The following GRID1 variants were observed in gnomAD, a reference collection of about 807,000 sequenced individuals.
The protein encoded by GRID1 is glutamate receptor ionotropic, delta-1.
In GRID1, 28 loss-of-function variants were observed where a neutral mutation model predicts 98.0. The ratio of observed to expected loss-of-function variants is 0.29; its 90% CI spans 0.21 to 0.39. The LOEUF (loss-of-function observed/expected upper bound fraction) is 0.39, where lower values mean the gene tolerates loss of function less well. GRID1 is among the 10% of genes least tolerant of loss of function. The pLI is 1.00. For synonymous variants in GRID1, 553 were observed against 538.5 expected (o/e 1.03, Z -0.37); for missense variants, 1,111 against 1,340.5 (o/e 0.83, Z 2.67).
chr10:85,919,521 C>G (rs1172091904), intron 4 of GRID1, among the ~76,000 whole-genome samples: 1 of 152,172 alleles, frequency 6.6e-6, no homozygotes, highest in Non-Finnish European at 1.5e-5. Flanking sequence ...CCCCCATCAA[C>G]CCGCGCCACT....
chr10:86,219,788 G>T (rs1309506009), intron 2 of GRID1, among the ~76,000 whole-genome samples: 1 of 152,244 alleles, frequency 6.6e-6, no homozygotes, highest in Admixed American at 6.5e-5. Context: ...AACTCCAGGG[G>T]ACTGTGAACA....
intron 4 of GRID1, among the ~76,000 whole-genome samples, chr10:86,045,470 G>C (rs1050528844): frequency 2.6e-5 from 4 of 152,202 alleles, no homozygotes; most frequent in African/African-American, 7.2e-5. Flanking sequence ...CTTAGGAAGA[G>C]ACACTTAGGG....
At chr10:86,001,541 T>G (rs1268776071) in intron 4 of GRID1, among the ~76,000 whole-genome samples, 4 of 152,202 alleles carry the variant, frequency 2.6e-5, no homozygotes, top group Admixed American at 1.3e-4. Flanking sequence ...AGTGCTGTTC[T>G]TCAATCTTTC....
intron 8 of GRID1, among the ~76,000 whole-genome samples, chr10:85,851,468 C>T (rs961884818): frequency 6.6e-6 from 1 of 152,160 alleles, no homozygotes; most frequent in Non-Finnish European, 1.5e-5. Context: ...AGTTGAAAGG[C>T]GATCACCCAC....
chr10:85,787,199 A>C (rs1842437639), intron 8 of GRID1, among the ~76,000 whole-genome samples: 1 of 152,172 alleles, frequency 6.6e-6, no homozygotes, highest in Admixed American at 6.5e-5. Flanking sequence ...AGACATAGTG[A>C]ATCCAGGACA....
At chr10:86,031,497 A>C (rs928100268) in intron 4 of GRID1, among the ~76,000 whole-genome samples, 1 of 152,170 alleles carries the variant, frequency 6.6e-6, no homozygotes, top group African/African-American at 2.4e-5. Flanking sequence ...TAGACGCCCA[A>C]ACCTCAACAT....
intron 4 of GRID1, among the ~76,000 whole-genome samples, chr10:85,927,577 A>G (rs895311835): frequency 6.6e-6 from 1 of 152,088 alleles, no homozygotes; most frequent in Non-Finnish European, 1.5e-5. Context: ...CTTGAGAATG[A>G]CAAAGCATAC....
intron 14 of GRID1, among the ~76,000 whole-genome samples, chr10:85,617,145 A>G (rs553319091): frequency 1.2e-4 from 18 of 152,222 alleles, no homozygotes; most frequent in East Asian, 1.9e-4. Flanking sequence ...AAATGGCATC[A>G]GGCATTGCTC....
At chr10:85,729,721 T>C (rs140233462) in intron 8 of GRID1, 107 bp from the exon 9 acceptor site, 103 of 658,062 alleles carry the variant, frequency 1.6e-4, no homozygotes, top group Non-Finnish European at 2.5e-4. Context: ...AGGTGAACAG[T>C]AGTCCCCTGG....
chr10:85,619,620 C>A (rs1001160659), intron 14 of GRID1, among the ~76,000 whole-genome samples: 1 of 152,108 alleles, frequency 6.6e-6, no homozygotes, highest in Non-Finnish European at 1.5e-5. Context: ...TGCTAATATG[C>A]CCTAGGCTGG....
At chr10:85,957,119 C>A (rs923034883) in intron 4 of GRID1, among the ~76,000 whole-genome samples, 1 of 152,130 alleles carries the variant, frequency 6.6e-6, no homozygotes, top group African/African-American at 2.4e-5. Flanking sequence ...ATGGAGGAAC[C>A]GCCCCCATGA....
chr10:85,783,306 C>T (rs1043431110), intron 8 of GRID1, among the ~76,000 whole-genome samples: 7 of 152,172 alleles, frequency 4.6e-5, no homozygotes, highest in Admixed American at 1.3e-4. Flanking sequence ...GGTGCTCAAA[C>T]CAGTTCTGCC....
At chr10:85,721,327 G>T (rs762638746) in intron 12 of GRID1, among the ~76,000 whole-genome samples, 2 of 152,132 alleles carry the variant, frequency 1.3e-5, no homozygotes, top group African/African-American at 4.8e-5. Flanking sequence ...ATATGATCCA[G>T]CAATTGCACT....
At chr10:86,191,449 T>C (rs1845801468) in intron 3 of GRID1, among the ~76,000 whole-genome samples, 1 of 151,794 alleles carries the variant, frequency 6.6e-6, no homozygotes, top group Non-Finnish European at 1.5e-5. Flanking sequence ...GGAGTGCAGA[T>C]TGCAGTCACA....
intron 2 of GRID1, among the ~76,000 whole-genome samples, chr10:86,312,870 A>T (rs1847850558): frequency 6.6e-6 from 1 of 152,196 alleles, no homozygotes; most frequent in African/African-American, 2.4e-5. Flanking sequence ...CTGAGGGAGG[A>T]GCAACAGGAC....
At chr10:85,877,681 C>G (rs1235677113) in intron 5 of GRID1, among the ~76,000 whole-genome samples, 2 of 152,160 alleles carry the variant, frequency 1.3e-5, no homozygotes, top group Non-Finnish European at 2.9e-5. Context: ...AAAAACAGAG[C>G]AGAAAAACTG....
At chr10:85,741,495 A>C (rs1841942561) in intron 8 of GRID1, among the ~76,000 whole-genome samples, 1 of 152,084 alleles carries the variant, frequency 6.6e-6, no homozygotes, top group Non-Finnish European at 1.5e-5. Flanking sequence ...GCATTTTGAC[A>C]AGAGTCCCAG....
intron 3 of GRID1, among the ~76,000 whole-genome samples, chr10:86,199,770 C>T (rs2132014290): frequency 6.6e-6 from 1 of 152,222 alleles, no homozygotes; most frequent in East Asian, 1.9e-4. Flanking sequence ...TGTCCTAACT[C>T]GGATCATCAT....
At chr10:86,211,268 T>G (rs1846103857) in intron 2 of GRID1, among the ~76,000 whole-genome samples, 1 of 152,250 alleles carries the variant, frequency 6.6e-6, no homozygotes, top group African/African-American at 2.4e-5. Flanking sequence ...TATAATTCTT[T>G]GCCTCCATAT....
Sources: allele counts gnomAD v4.1 joint callset (sites outside exome capture counted in the v4.1 genomes callset), GRCh38; gene constraint gnomAD v4.1.1; transcripts MANE v1.5; gene names NCBI Gene and HGNC (gene_info 2026-07-23, HGNC 2026-07-21).